The following AATF variants were observed in gnomAD, a reference collection of about 807,000 sequenced individuals.
AATF encodes the protein apoptosis antagonizing transcription factor, also known as protein AATF.
Under a neutral mutation model 63.7 loss-of-function variants are expected in AATF, and 48 were observed. The observed-to-expected ratio is 0.75, with a 90% CI of 0.60 to 0.96. AATF has a LOEUF of 0.96. AATF is among the 40% of genes least tolerant of loss of function. The pLI, the probability that AATF is intolerant of heterozygous loss-of-function variation, is 0.00. For missense variants in AATF, 639 were observed against 685.7 expected, an observed-to-expected ratio of 0.93 and a Z score of 0.76; for synonymous variants, 258 against 247.7, an observed-to-expected ratio of 1.04 and a Z score of -0.39.
chr17:37,034,190 T>C (rs2071572500), intron 11 of AATF, among the ~76,000 whole-genome samples: 1 of 152,184 alleles, frequency 6.6e-6, no homozygotes, highest in Non-Finnish European at 1.5e-5. Context: ...TTCCTAAGGA[T>C]AGGGAGACGT....
At chr17:37,001,475 A>G (rs1047957989) in intron 8 of AATF, among the ~76,000 whole-genome samples, 1 of 151,174 alleles carries the variant, frequency 6.6e-6, no homozygotes, top group African/African-American at 2.4e-5. Context: ...AAAAAGGAAC[A>G]TAAAAAGGAT....
intron 8 of AATF, among the ~76,000 whole-genome samples, chr17:36,995,995 C>G (rs1343796139): frequency 6.6e-6 from 1 of 152,138 alleles, no homozygotes; most frequent in African/African-American, 2.4e-5. Context: ...GTCTTCTGTT[C>G]AGGGCAGTAT....
chr17:36,994,719 G>C (rs1452894581), intron 8 of AATF, among the ~76,000 whole-genome samples: 1 of 152,174 alleles, frequency 6.6e-6, no homozygotes, highest in Non-Finnish European at 1.5e-5. Context: ...ATAACATTCA[G>C]TTCTCTTCAG....
chr17:36,980,973 G>C (rs1447780630), intron 4 of AATF, among the ~76,000 whole-genome samples: 1 of 142,980 alleles, frequency 7.0e-6, no homozygotes, highest in Admixed American at 7.3e-5. Context: ...TTGACACTTT[G>C]ATGCATGGTA....
intron 8 of AATF, among the ~76,000 whole-genome samples, chr17:37,013,345 CTT>C (rs2142279955): frequency 6.6e-6 from 1 of 152,278 alleles, no homozygotes; most frequent in South Asian, 2.1e-4. Context: ...TCTCAAGTGT[CTT>C]AGTCTGTTCT....
chr17:37,000,987 A>G (rs544479929), intron 8 of AATF, among the ~76,000 whole-genome samples: 2 of 151,796 alleles, frequency 1.3e-5, no homozygotes, highest in Admixed American at 6.5e-5. Flanking sequence ...TAAATTCAGT[A>G]TTATCCTGAT....
intron 11 of AATF, among the ~76,000 whole-genome samples, chr17:37,048,842 A>G (rs1308023097): frequency 2.0e-5 from 3 of 152,102 alleles, no homozygotes; most frequent in African/African-American, 4.8e-5. Flanking sequence ...TCTTTCTCTC[A>G]TTTGTAAAGT....
intron 4 of AATF, among the ~76,000 whole-genome samples, chr17:36,970,485 G>A (rs967025656): frequency 5.9e-5 from 9 of 151,410 alleles, no homozygotes; most frequent in African/African-American, 2.2e-4. Context: ...TTTTAAAGGT[G>A]CAAAGTCAAG....
At chr17:36,977,497 T>C (rs113059395) in intron 4 of AATF, among the ~76,000 whole-genome samples, 1 of 152,042 alleles carries the variant, frequency 6.6e-6, no homozygotes, top group African/African-American at 2.4e-5. Context: ...AAAGACGTTA[T>C]AATATGAAAG....
chr17:36,973,225 AAG>A (rs2071053485), intron 4 of AATF, among the ~76,000 whole-genome samples: 1 of 152,220 alleles, frequency 6.6e-6, no homozygotes, highest in African/African-American at 2.4e-5. Context: ...AATTATTCAA[AAG>A]AGGGGGCTAT....
chr17:37,007,286 C>G (rs929221621), intron 8 of AATF, among the ~76,000 whole-genome samples: 2 of 151,044 alleles, frequency 1.3e-5, no homozygotes. Flanking sequence ...CTGCTGTGTT[C>G]AAGCTATCTT....
chr17:37,001,096 A>T (rs370877717), intron 8 of AATF, among the ~76,000 whole-genome samples: 1 of 152,168 alleles, frequency 6.6e-6, no homozygotes, highest in African/African-American at 2.4e-5. Context: ...AGGTGGGAGG[A>T]TTGCTTGAGC....
At chr17:37,022,297 A>G (rs960142448) in intron 10 of AATF, among the ~76,000 whole-genome samples, 1 of 152,164 alleles carries the variant, frequency 6.6e-6, no homozygotes, top group Non-Finnish European at 1.5e-5. Flanking sequence ...CCTATCATTA[A>G]ATTCCCTTTA....
At chr17:36,984,944 C>T (rs1164278169) in intron 4 of AATF, among the ~76,000 whole-genome samples, 2 of 150,808 alleles carry the variant, frequency 1.3e-5, no homozygotes, top group African/African-American at 2.4e-5. Context: ...CTCTGTCGCC[C>T]GGGCTGGAGT....
Position 37,006,099 on chromosome 17 carries a change from T to C in AATF, c.1399-12906T>C, listed in dbSNP as rs147066290. Among the ~76,000 whole-genome samples, 381 of 152,158 alleles carry C rather than the reference T, an allele frequency of 2.5e-3. 6 individuals are homozygous for C. Among genetic ancestry groups the C allele is most frequent in the Non-Finnish European group, 3.7e-3 (253 of 67,992 alleles). On this transcript the variant is annotated intron_variant, in intron 8 of 11. Transcript: ENST00000619387. Reference sequence around the variant, plus strand: ...GTACAGTGAACTATGATTGTGCCGCTATACTCCAGCCTGAGTGACAGAGCA... The same window carrying C: ...GTACAGTGAACTATGATTGTGCCGCCATACTCCAGCCTGAGTGACAGAGCA...
chr17:37,010,532 G>A (rs1398031589), intron 8 of AATF, among the ~76,000 whole-genome samples: 4 of 152,160 alleles, frequency 2.6e-5, no homozygotes, highest in African/African-American at 9.7e-5. Flanking sequence ...TGAAGGGGAT[G>A]GAGTGGTGAT....
chr17:36,991,333 T>C lies in AATF; in HGVS notation c.1398+476T>C, dbSNP rs534070967. ...CCTGTCGAAGTCAGTTAAGTATGTA[T>C]TGAGAATGTCTGCAACTGTTGATTA... On this transcript the variant is annotated intron_variant, in intron 8 of 11. Coordinates refer to ENST00000619387, the MANE Select transcript of AATF (RefSeq NM_012138.4). Among the ~76,000 whole-genome samples, 15 of 152,324 alleles carry C rather than the reference T, an allele frequency of 9.8e-5. No homozygotes were observed. The South Asian group carries it at 3.1e-3, about 32-fold the overall frequency.
intron 4 of AATF, among the ~76,000 whole-genome samples, chr17:36,967,826 G>A (rs1021830790): frequency 6.7e-6 from 1 of 149,112 alleles, no homozygotes; most frequent in Non-Finnish European, 1.5e-5. Context: ...AGTTGCAATT[G>A]GTAAGTCAGA....
intron 11 of AATF, among the ~76,000 whole-genome samples, chr17:37,040,856 A>AT (rs2071632741): frequency 6.6e-6 from 1 of 152,160 alleles, no homozygotes; most frequent in Non-Finnish European, 1.5e-5. Flanking sequence ...ACCTGGTTTT[A>AT]TGTTATATCA....
Sources: gnomAD v4.1 joint callset for allele counts (sites outside exome capture counted in the v4.1 genomes callset) on GRCh38, gnomAD v4.1.1 for gene constraint, MANE v1.5 for transcripts, NCBI Gene and HGNC (gene_info 2026-07-23, HGNC 2026-07-21) for gene names.